Variants in TCF7L1 observed in about 807,000 individuals in gnomAD.
TCF7L1 encodes the protein transcription factor 7 like 1.
TCF7L1 carries 18 observed loss-of-function variants against 63.7 expected under a neutral mutation model. The ratio of observed to expected loss-of-function variants is 0.28; its 90% CI spans 0.20 to 0.42. The LOEUF is 0.42. TCF7L1 is among the 10% of genes least tolerant of loss of function. The pLI is 1.00. For synonymous variants in TCF7L1, 355 were observed against 340.9 expected (o/e 1.04, Z -0.46); for missense variants, 654 against 779.3 (o/e 0.84, Z 1.91).
intron 3 of TCF7L1, among the ~76,000 whole-genome samples, chr2:85,148,151 T>G (rs1677925204): frequency 6.6e-6 from 1 of 151,798 alleles, no homozygotes; most frequent in Admixed American, 6.6e-5. Context: ...AGCTTTGGAG[T>G]GGAAAATGGG....
intron 3 of TCF7L1, among the ~76,000 whole-genome samples, chr2:85,173,327 G>T (rs1039346941): frequency 2.0e-5 from 3 of 151,958 alleles, no homozygotes; most frequent in South Asian, 2.1e-4. Flanking sequence ...GGGTACGGAG[G>T]GGGTGGGGGG....
chr2:85,268,447 C>G (rs17026122), intron 3 of TCF7L1, among the ~76,000 whole-genome samples: 2,738 of 150,732 alleles, frequency 0.018, 46 homozygotes, highest in Middle Eastern at 0.063. Context: ...CGTGGGGACC[C>G]AAAGGGCGAA....
Position 85,143,707 on chromosome 2 carries a change from T to C in TCF7L1, c.441+9257T>C, listed in dbSNP as rs537924619. Among the ~76,000 whole-genome samples, 6 of 152,314 alleles carry C rather than the reference T, an allele frequency of 3.9e-5. 1 individual carries two copies. In the South Asian group the frequency reaches 1.2e-3, roughly 32 times the overall value. On this transcript the variant is annotated intron_variant, in intron 3 of 11. Transcript: ENST00000282111. ...GATTTTACACACATGCCTGATATAATTAGCTCCTCCTCCTCTCCAGAGAAG... is the reference window on the plus strand; with the variant it reads ...GATTTTACACACATGCCTGATATAACTAGCTCCTCCTCCTCTCCAGAGAAG...
At chr2:85,161,972 G>T (rs1237775698) in intron 3 of TCF7L1, among the ~76,000 whole-genome samples, 1 of 152,218 alleles carries the variant, frequency 6.6e-6, no homozygotes, top group Non-Finnish European at 1.5e-5. Flanking sequence ...AGGCAAGCCA[G>T]GTGTTGGGCC....
intron 3 of TCF7L1, among the ~76,000 whole-genome samples, chr2:85,223,089 G>C (rs566048923): frequency 6.6e-6 from 1 of 152,098 alleles, no homozygotes; most frequent in African/African-American, 2.4e-5. Flanking sequence ...TTTCCAAAAT[G>C]GTTTGTTTTT....
intron 3 of TCF7L1, among the ~76,000 whole-genome samples, chr2:85,283,033 A>G (rs556482174): frequency 2.6e-5 from 4 of 152,064 alleles, no homozygotes; most frequent in Admixed American, 2.6e-4. Context: ...ATACTTCTGG[A>G]TGGCTGTTTC....
At chr2:85,166,378 T>C (rs914313113) in intron 3 of TCF7L1, among the ~76,000 whole-genome samples, 2 of 152,064 alleles carry the variant, frequency 1.3e-5, no homozygotes, top group Non-Finnish European at 2.9e-5. Flanking sequence ...GCAGGAATAA[T>C]GTGAGTGAGG....
At chr2:85,278,731 C>T (rs1307506400) in intron 3 of TCF7L1, among the ~76,000 whole-genome samples, 1 of 152,218 alleles carries the variant, frequency 6.6e-6, no homozygotes, top group Non-Finnish European at 1.5e-5. Flanking sequence ...CCCCAGTCCC[C>T]AGAAAAGTGT....
At chr2:85,178,340 C>T (rs980759415) in intron 3 of TCF7L1, among the ~76,000 whole-genome samples, 3 of 152,224 alleles carry the variant, frequency 2.0e-5, no homozygotes, top group Non-Finnish European at 4.4e-5. Context: ...CCATTTCCTT[C>T]CCCCTCAAAT....
chr2:85,283,484 TC>T lies in TCF7L1; in HGVS notation c.442-8del. ...TCACCAACAGCTTTTTCTTTTCTGT[TC>T]CCTGTGCAGTACCTGCAGATGAAAT... On this transcript the variant is annotated splice_polypyrimidine_tract_variant and intron_variant, in intron 3 of 11. Coordinates refer to ENST00000282111, the MANE Select transcript of TCF7L1 (RefSeq NM_031283.3). The T allele has an allele frequency of 6.2e-7, 1 of 1,614,010 alleles. No individual in the cohort carries two copies. The highest frequency in any genetic ancestry group is 8.5e-7 in the Non-Finnish European group (1 of 1,179,992).
At chr2:85,236,005 C>A (rs757273454) in intron 3 of TCF7L1, among the ~76,000 whole-genome samples, 1 of 152,056 alleles carries the variant, frequency 6.6e-6, no homozygotes, top group Non-Finnish European at 1.5e-5. Flanking sequence ...CAAAAAAAAT[C>A]AAAAAATTAG....
At chr2:85,221,380 T>C (rs11126987) in intron 3 of TCF7L1, among the ~76,000 whole-genome samples, 152,332 of 152,334 alleles carry the variant, frequency 1, 76,165 homozygotes, top group Non-Finnish European at 1. Flanking sequence ...TAGTCTTGTT[T>C]CCTGTCTTAG....
At chr2:85,155,135 G>T (rs1023881648) in intron 3 of TCF7L1, among the ~76,000 whole-genome samples, 1 of 152,256 alleles carries the variant, frequency 6.6e-6, no homozygotes, top group Middle Eastern at 3.4e-3. Context: ...TCTCCAAGTA[G>T]CATCTCATGG....
chr2:85,217,369 A>G (rs1289387808), intron 3 of TCF7L1, among the ~76,000 whole-genome samples: 1 of 152,140 alleles, frequency 6.6e-6, no homozygotes, highest in Non-Finnish European at 1.5e-5. Flanking sequence ...GTGTTTCTAC[A>G]CTCTTTAATT....
chr2:85,201,126 C>T (rs1424886747), intron 3 of TCF7L1, among the ~76,000 whole-genome samples: 1 of 152,184 alleles, frequency 6.6e-6, no homozygotes, highest in Non-Finnish European at 1.5e-5. Context: ...TCGCTTGAAC[C>T]TGGGAGGCGG....
intron 3 of TCF7L1, among the ~76,000 whole-genome samples, chr2:85,249,546 C>A (rs1680545009): frequency 6.6e-6 from 1 of 152,290 alleles, no homozygotes; most frequent in Admixed American, 6.5e-5. Context: ...CTGTTGTACT[C>A]CAAAACCCCT....
intron 3 of TCF7L1, among the ~76,000 whole-genome samples, chr2:85,160,965 G>C (rs983250652): frequency 6.6e-6 from 1 of 152,188 alleles, no homozygotes; most frequent in African/African-American, 2.4e-5. Context: ...GGTGGCTGTC[G>C]GGGTCTGTCC....
intron 3 of TCF7L1, among the ~76,000 whole-genome samples, chr2:85,205,493 A>G (rs563302254): frequency 1.3e-5 from 2 of 151,822 alleles, no homozygotes; most frequent in South Asian, 4.2e-4. Flanking sequence ...CTGTTCATAG[A>G]AGACTTCCGG....
At chr2:85,271,813 C>A (rs1241173922) in intron 3 of TCF7L1, among the ~76,000 whole-genome samples, 1 of 152,140 alleles carries the variant, frequency 6.6e-6, no homozygotes, top group Non-Finnish European at 1.5e-5. Context: ...GAATGAGTAG[C>A]CTCCTGCTAG....
Sources: gnomAD v4.1 joint callset for allele counts (sites outside exome capture counted in the v4.1 genomes callset) on GRCh38, gnomAD v4.1.1 for gene constraint, MANE v1.5 for transcripts, NCBI Gene and HGNC (gene_info 2026-07-23, HGNC 2026-07-21) for gene names.